SLC25A48: variants seen among roughly 807,000 people sequenced by gnomAD.
SLC25A48 encodes CTC-321K16.1.
In SLC25A48, 29 loss-of-function variants were observed where a neutral mutation model predicts 32.2. The observed-to-expected ratio is 0.90, with a 90% confidence interval of 0.67 to 1.23. The LOEUF is 1.23. Ranked by LOEUF, SLC25A48 falls within the 50% of genes most tolerant of loss-of-function variation. The pLI is 0.00. For synonymous variants in SLC25A48, 164 were observed against 172.3 expected (o/e 0.95, Z 0.38); for missense variants, 399 against 422.7 (o/e 0.94, Z 0.49).
At position 135,834,788 on chromosome 5, in the gene SLC25A48, C is replaced by T. The variant is rs556773422; in HGVS notation, c.-60C>T. 5 of 1,505,094 alleles carry T rather than the reference C, an allele frequency of 3.3e-6. No individual in the cohort carries two copies. Among genetic ancestry groups the T allele is most frequent in the Non-Finnish European group, 4.5e-6 (5 of 1,119,706 alleles). The allele number at this position is 1,505,094 out of a possible 1,614,324, so 93.2% of individuals were successfully genotyped here. ...GGCGCGCTCGCGCCCGCGGGCCATG[C>T]CCCACTGACTCTAAGTGGGCACTGC... On this transcript the variant is annotated 5_prime_UTR_variant, in exon 1 of 8. Coordinates refer to ENST00000681962, the MANE Select transcript of SLC25A48 (RefSeq NM_001349336.2).
rs1378812913 is a variant in SLC25A48 at position 135,780,551 on chromosome 5, A to G, written c.-520-31972A>G. On this transcript the variant is annotated intron_variant, in intron 3 of 10. Transcript: ENST00000646290. ...ACACCTCCCCTGTGATATTGTTCCT[A>G]GTATCCAAAAGGAAGAGGATGATAT... Among the ~76,000 whole-genome samples the G allele has an allele frequency of 4.2e-5, 5 of 118,122 alleles. 1 individual carries two copies. Among genetic ancestry groups the G allele is most frequent in the Admixed American group, 8.6e-5 (1 of 11,592 alleles). The allele number at this position is 118,122 out of a possible 152,430, so 77.5% of individuals were successfully genotyped here. A position where few individuals can be genotyped will look rare whatever the true frequency, so the allele number is the denominator to read the frequency against.
intron 4 of SLC25A48, among the ~76,000 whole-genome samples, chr5:135,863,302 A>G (rs1365709930): frequency 6.6e-6 from 1 of 152,152 alleles, no homozygotes; most frequent in East Asian, 1.9e-4. Context: ...CTGCTGCTGG[A>G]GGGGCAGACT....
intron 3 of SLC25A48, among the ~76,000 whole-genome samples, chr5:135,770,514 C>T (rs1756380023): frequency 6.6e-6 from 1 of 151,614 alleles, no homozygotes; most frequent in Non-Finnish European, 1.5e-5. Flanking sequence ...CACAAACCAC[C>T]TGTGATATTG....
intron 1 of SLC25A48, among the ~76,000 whole-genome samples, chr5:135,585,652 G>A (rs930679431): frequency 2.0e-5 from 3 of 152,194 alleles, no homozygotes; most frequent in Non-Finnish European, 4.4e-5. Flanking sequence ...CAGGATGAAT[G>A]AATTAATGTG....
intron 6 of SLC25A48, chr5:135,874,692 G>T: frequency 1.4e-6 from 1 of 702,442 alleles, no homozygotes; most frequent in Non-Finnish European, 2.6e-6. Context: ...TCCCTGGGCT[G>T]TGTCTCCTCT....
rs772920952 is a variant in SLC25A48 at position 135,879,929 on chromosome 5, T to A, written c.814-39T>A. ...CTCCTTGGTGGCCCTGCAGAGAGTGTGGGTCAGTCCCCTGCAATAACCTGG... is the reference window on the plus strand; with the variant it reads ...CTCCTTGGTGGCCCTGCAGAGAGTGAGGGTCAGTCCCCTGCAATAACCTGG... On this transcript the variant is annotated intron_variant, in intron 6 of 7. Transcript: ENST00000681962. 14 of 1,534,072 alleles carry A rather than the reference T, an allele frequency of 9.1e-6. 1 individual carries two copies. The South Asian group carries it at 1.7e-4, about 18-fold the overall frequency.
intron 1 of SLC25A48, 35 bp downstream of exon 1, chr5:135,834,928 G>A (rs747747419): frequency 2.5e-6 from 4 of 1,589,616 alleles, no homozygotes; most frequent in Non-Finnish European, 1.7e-6. Flanking sequence ...CGGTCAGAGA[G>A]AGCGAGCCTG....
chr5:135,871,674 C>G lies in SLC25A48; in HGVS notation c.635C>G (p.Thr212Arg), dbSNP rs773452492. 1 of 1,614,094 alleles carries G rather than the reference C, an allele frequency of 6.2e-7. No individual in the cohort carries two copies. Among genetic ancestry groups the G allele is most frequent in the South Asian group, 1.1e-5 (1 of 91,074 alleles). ...GAGTGGATCACACCTGAGGCCTGCA[C>G]AGGCCCCAGCCCCTGTGCCGTGTGG... is the stretch of plus-strand genomic sequence containing the variant. The part of the protein sequence containing the change: ...LSEWITPEAC[T>R]GPSPCAVWLA... The change falls in exon 5 of 8, where the codon ACA (threonine) becomes AGA (arginine). Residue 212 changes from threonine (T) to arginine (R), a missense_variant. Thr to Arg is a moderately conservative substitution (Grantham distance 71). Transcript: ENST00000681962.
chr5:135,787,720 T>G (rs924896771), intron 3 of SLC25A48, among the ~76,000 whole-genome samples: 1 of 151,886 alleles, frequency 6.6e-6, no homozygotes, highest in Non-Finnish European at 1.5e-5. Context: ...TCGTAACATT[T>G]TAGGGATATG....
At chr5:135,805,216 A>C (rs572873137) in intron 3 of SLC25A48, among the ~76,000 whole-genome samples, 1 of 151,266 alleles carries the variant, frequency 6.6e-6, no homozygotes, top group Admixed American at 6.6e-5. Flanking sequence ...CATCACAGTC[A>C]GTGTACACCC....
rs1762792989 is a variant in SLC25A48 at position 135,887,908 on chromosome 5, T to C, written c.*8-124T>C. ...CTTCCACAAGAATCAAGTGCAAAAG[T>C]GTTTTTGTAAACTGTAAAGTGCAAA... On this transcript the variant is annotated intron_variant, in intron 7 of 7. Coordinates refer to ENST00000681962, the MANE Select transcript of SLC25A48 (RefSeq NM_001349336.2). 4 of 870,874 alleles carry C rather than the reference T, an allele frequency of 4.6e-6. No homozygotes were observed. The Admixed American group carries it at 7.0e-5, about 15-fold the overall frequency. 53.9% of individuals were successfully genotyped at this position (870,874 alleles called of 1,614,324 possible).
chr5:135,663,227 A>G (rs1279965246), intron 3 of SLC25A48, among the ~76,000 whole-genome samples: 2 of 152,194 alleles, frequency 1.3e-5, no homozygotes, highest in African/African-American at 4.8e-5. Flanking sequence ...CTTACATTCA[A>G]GTCAAATCAG....
intron 3 of SLC25A48, among the ~76,000 whole-genome samples, chr5:135,791,473 C>T (rs927174856): frequency 1.3e-5 from 2 of 151,356 alleles, no homozygotes; most frequent in African/African-American, 4.9e-5. Context: ...TGATATTATG[C>T]GTTATATCCT....
rs370171383 is a variant in SLC25A48 at position 135,593,676 on chromosome 5, AG to A, written c.-849+14082del. On this transcript the variant is annotated intron_variant, in intron 1 of 10. Transcript: ENST00000646290. ...CCATTTCTGTGAGAACCTGACATCCAGGGCTTTGAGGAGTAGTCCCTACTCC... is the reference window on the plus strand; with the variant it reads ...CCATTTCTGTGAGAACCTGACATCCAGGCTTTGAGGAGTAGTCCCTACTCC... 2.6e-3 allele frequency among the ~76,000 whole-genome samples: 387 copies of A among 151,174 alleles called. 1 individual carries two copies. The highest frequency in any genetic ancestry group is 9.3e-3 in the African/African-American group (376 of 40,454).
At chr5:135,651,153 C>G (rs1197838122) in intron 3 of SLC25A48, among the ~76,000 whole-genome samples, 1 of 152,156 alleles carries the variant, frequency 6.6e-6, no homozygotes, top group Non-Finnish European at 1.5e-5. Context: ...CAGGCTCCTA[C>G]AGAGCATGCT....
intron 2 of SLC25A48, among the ~76,000 whole-genome samples, chr5:135,630,115 C>T (rs1405729557): frequency 6.6e-6 from 1 of 152,142 alleles, no homozygotes; most frequent in Non-Finnish European, 1.5e-5. Context: ...ATGAATGGCT[C>T]AGCTAGAATA....
intron 1 of SLC25A48, among the ~76,000 whole-genome samples, chr5:135,602,969 C>T (rs1307514400): frequency 1.3e-5 from 2 of 152,200 alleles, no homozygotes; most frequent in Admixed American, 1.3e-4. Flanking sequence ...ATTCAGCTCT[C>T]ACACCAGCAG....
chr5:135,778,095 GA>G (rs1756614838), intron 3 of SLC25A48, among the ~76,000 whole-genome samples: 1 of 151,556 alleles, frequency 6.6e-6, no homozygotes. Context: ...TAATATTTAG[GA>G]AAAAAGAGGA....
At chr5:135,883,475 C>G (rs746877779) in intron 7 of SLC25A48, 18 of 985,332 alleles carry the variant, frequency 1.8e-5, no homozygotes, top group Non-Finnish European at 2.0e-5. Flanking sequence ...CTGTCAGATG[C>G]CTCTGCCTAG....
Sources: allele counts gnomAD v4.1 joint callset (sites outside exome capture counted in the v4.1 genomes callset), GRCh38; gene constraint gnomAD v4.1.1; transcripts MANE v1.5; gene names NCBI Gene and HGNC (gene_info 2026-07-23, HGNC 2026-07-21).